Variants in MEGF10 observed in about 807,000 individuals in gnomAD.
The protein encoded by MEGF10 is multiple epidermal growth factor-like domains protein 10.
In MEGF10, 86 loss-of-function variants were observed where a neutral mutation model predicts 147.5. The observed-to-expected ratio is 0.58, with a 90% confidence interval of 0.49 to 0.70. MEGF10 has a LOEUF of 0.70. MEGF10 is among the 30% of genes least tolerant of loss of function. The probability of loss-of-function intolerance (pLI) is 0.00; values close to 1 mark genes in which losing one functional copy is unlikely to be tolerated. For synonymous variants in MEGF10, 478 were observed against 525.5 expected (o/e 0.91, Z 1.24); for missense variants, 1,329 against 1,487.3 (o/e 0.89, Z 1.75).
intron 4 of MEGF10, among the ~76,000 whole-genome samples, chr5:127,342,095 C>A (rs909423333): frequency 6.6e-6 from 1 of 152,130 alleles, no homozygotes; most frequent in African/African-American, 2.4e-5. Context: ...ATTTGCATTT[C>A]TTTGATTAAT....
At position 127,443,012 on chromosome 5, in the gene MEGF10, A is replaced by T; in HGVS notation, c.2377A>T (p.Thr793Ser). 1 of 1,612,872 alleles carries T rather than the reference A, an allele frequency of 6.2e-7. No homozygotes were observed. The change falls in exon 19 of 25, where the codon ACA (threonine) becomes TCA (serine). Residue 793 changes from threonine (T) to serine (S), a missense_variant. Around this residue, in one of 3 missense-constraint regions of MEGF10, gnomAD observed 980 missense variants for 1,085.9 expected, o/e 0.90. Transcript: ENST00000503335. The part of the protein sequence containing the change: ...RHCEQKCPSG[T>S]YGYGCRQICD... ...TCCTTCTCTAGAGTGCCCTTCAGGA[A>T]CATATGGCTATGGCTGTCGCCAGAT...
intron 5 of MEGF10, among the ~76,000 whole-genome samples, chr5:127,392,908 A>T (rs188831436): frequency 6.6e-6 from 1 of 152,336 alleles, no homozygotes; most frequent in African/African-American, 2.4e-5. Context: ...AAGCCATTCC[A>T]TGAAATATCT....
the MEGF10 span, among the ~76,000 whole-genome samples, chr5:127,275,011 A>G: frequency 6.6e-6 from 1 of 152,200 alleles, no homozygotes; most frequent in Non-Finnish European, 1.5e-5. Flanking sequence ...AACTGAAGGA[A>G]AAACCATAGT....
the MEGF10 span, among the ~76,000 whole-genome samples, chr5:127,263,203 A>G: frequency 1.3e-5 from 2 of 152,068 alleles, no homozygotes; most frequent in Non-Finnish European, 1.5e-5. Flanking sequence ...AATATTAGAC[A>G]ATAGAAAGCA....
At position 127,440,932 on chromosome 5, in the gene MEGF10, G is replaced by A. The variant is rs186317725; in HGVS notation, c.2362+65G>A. 4.4e-4 allele frequency: 688 copies of A among 1,575,004 alleles called. 4 individuals are homozygous for A. In the African/African-American group the frequency reaches 8.1e-3, roughly 19 times the overall value. ...TCCTCTAGAATCACATTTCCTAGAT[G>A]CCAGGAAATATTAAGGCAGAATTCA... On this transcript the variant is annotated intron_variant, in intron 18 of 24. Coordinates refer to ENST00000503335, the MANE Select transcript of MEGF10 (RefSeq NM_001256545.2).
At chr5:127,422,559 GT>G (rs1765053887) in intron 12 of MEGF10, 110 bp from the exon 13 acceptor site, 1 of 759,424 alleles carries the variant, frequency 1.3e-6, no homozygotes, top group African/African-American at 1.8e-5. Flanking sequence ...TGTAAGAAGC[GT>G]TTGGGACAGC....
intron 22 of MEGF10, among the ~76,000 whole-genome samples, chr5:127,452,709 G>GTGTATC (rs1766201048): frequency 6.6e-6 from 1 of 152,152 alleles, no homozygotes; most frequent in Non-Finnish European, 1.5e-5. Context: ...ACACTATCCG[G>GTGTATC]TGTATCCCTG....
intron 13 of MEGF10, among the ~76,000 whole-genome samples, chr5:127,423,393 A>G (rs1019123442): frequency 2.6e-5 from 4 of 152,226 alleles, no homozygotes; most frequent in Non-Finnish European, 4.4e-5. Flanking sequence ...CTGAAAGAAG[A>G]AGTTTCTGCT....
At chr5:127,232,384 A>C in the MEGF10 span, among the ~76,000 whole-genome samples, 1 of 152,214 alleles carries the variant, frequency 6.6e-6, no homozygotes, top group Non-Finnish European at 1.5e-5. Flanking sequence ...CTGACAATCA[A>C]GATCAACAAA....
At chr5:127,309,348 C>T (rs772189539) in intron 1 of MEGF10, among the ~76,000 whole-genome samples, 8 of 152,224 alleles carry the variant, frequency 5.3e-5, no homozygotes, top group African/African-American at 1.4e-4. Flanking sequence ...ATTTTAAATA[C>T]ATTCACACTG....
chr5:127,259,896 C>T, the MEGF10 span, among the ~76,000 whole-genome samples: 1 of 152,268 alleles, frequency 6.6e-6, no homozygotes, highest in African/African-American at 2.4e-5. Context: ...GTGGCTCATG[C>T]CTGTAATCCC....
chr5:127,411,504 CTCT>C (rs1764560212), intron 9 of MEGF10, among the ~76,000 whole-genome samples: 1 of 152,180 alleles, frequency 6.6e-6, no homozygotes, highest in Non-Finnish European at 1.5e-5. Flanking sequence ...TGTGGTTGGT[CTCT>C]TCTTTAAACC....
chr5:127,254,229 C>G, the MEGF10 span, among the ~76,000 whole-genome samples: 4 of 152,208 alleles, frequency 2.6e-5, no homozygotes, highest in East Asian at 7.7e-4. Context: ...AACCACTCCT[C>G]AAACCCCAAC....
chr5:127,316,816 A>G (rs944233172), intron 1 of MEGF10, among the ~76,000 whole-genome samples: 5 of 152,188 alleles, frequency 3.3e-5, no homozygotes, highest in Non-Finnish European at 7.3e-5. Context: ...CTGACGAAGA[A>G]CACATCAGCT....
At chr5:127,445,719 T>G in intron 20 of MEGF10, 26 bp downstream of exon 20, 1 of 1,570,512 alleles carries the variant, frequency 6.4e-7, no homozygotes. Context: ...GGAGAGGCAT[T>G]TTGCTTCTTG....
chr5:127,350,790 T>C (rs1272370044), intron 4 of MEGF10, among the ~76,000 whole-genome samples: 1 of 152,158 alleles, frequency 6.6e-6, no homozygotes, highest in Non-Finnish European at 1.5e-5. Context: ...TTTAAAAAAA[T>C]TTTGAAGTTG....
chr5:127,372,595 C>T (rs945087382), intron 5 of MEGF10, among the ~76,000 whole-genome samples: 1 of 152,214 alleles, frequency 6.6e-6, no homozygotes, highest in Non-Finnish European at 1.5e-5. Context: ...GTGACAGTTT[C>T]TCAGTCTTTC....
chr5:127,384,278 A>T (rs17604665), intron 5 of MEGF10, among the ~76,000 whole-genome samples: 16,395 of 152,278 alleles, frequency 0.11, 1,028 homozygotes, highest in Non-Finnish European at 0.15. Flanking sequence ...CAATAAATAG[A>T]ACTTCGTAGC....
At chr5:127,283,336 T>C in the MEGF10 span, among the ~76,000 whole-genome samples, 1 of 152,238 alleles carries the variant, frequency 6.6e-6, no homozygotes. Context: ...ATATCAAATG[T>C]TGAAATTTTA....
Sources: allele counts gnomAD v4.1 joint callset (sites outside exome capture counted in the v4.1 genomes callset), GRCh38; gene constraint gnomAD v4.1.1; regional missense constraint gnomAD v4.1.1; transcripts MANE v1.5; gene names NCBI Gene and HGNC (gene_info 2026-07-23, HGNC 2026-07-21).